Variants in OSBPL7 observed in about 807,000 individuals in gnomAD.
OSBPL7 encodes the protein oxysterol-binding protein-related protein 7.
OSBPL7 carries 66 observed loss-of-function variants against 115.8 expected under a neutral mutation model. That is an observed-to-expected ratio of 0.57 (90% CI 0.47 to 0.70). OSBPL7 has a LOEUF of 0.70. OSBPL7 is among the 30% of genes least tolerant of loss of function. The pLI is 0.00. For missense variants in OSBPL7, 902 were observed against 1,125.5 expected, an observed-to-expected ratio of 0.80 and a Z score of 2.84; for synonymous variants, 441 against 439.2, an observed-to-expected ratio of 1.00 and a Z score of -0.05.
In OSBPL7 at chr17:47,809,160, G is replaced by C; in HGVS notation, c.2086C>G (p.Arg696Gly). ...VQGAVLSRSGRVLHRLFGKWH... is the reference protein window; with the variant it reads ...VQGAVLSRSGGVLHRLFGKWH... ...TTCCCAAAGAGTCGGTGGAGGACAC[G>C]GCCACTCCGACTGAGCACAGCGCCC... The change falls in exon 20 of 23, where the codon CGT (arginine) becomes GGT (glycine). Residue 696 changes from arginine (R) to glycine (G), a missense_variant. Physicochemically the swap from Arg to Gly is moderately radical, Grantham distance 125. This residue lies in a region of OSBPL7 where 230 missense variants were observed against 312.7 expected (regional missense o/e 0.74). Coordinates refer to ENST00000007414, the MANE Select transcript of OSBPL7 (RefSeq NM_145798.3). The C allele has an allele frequency of 6.2e-7, 1 of 1,614,130 alleles. No individual in the cohort carries two copies. Among genetic ancestry groups the C allele is most frequent in the South Asian group, 1.1e-5 (1 of 91,078 alleles).
In OSBPL7 at chr17:47,810,849, G is replaced by A. The variant is rs959869990; in HGVS notation, c.1738-14C>T. On this transcript the variant is annotated splice_polypyrimidine_tract_variant and intron_variant, in intron 16 of 22. Coordinates refer to ENST00000007414, the MANE Select transcript of OSBPL7 (RefSeq NM_145798.3). ...GTGGTGGGAGACCTTGGTGAGCAAA[G>A]AAGTTATCTTGAGGCTGTCCCCGAG... 1.9e-6 allele frequency: 3 copies of A among 1,612,598 alleles called. No individual in the cohort carries two copies. The highest frequency in any genetic ancestry group is 2.2e-5 in the East Asian group (1 of 44,874).
chr17:47,813,227 C>T lies in OSBPL7; in HGVS notation c.1737+39G>A, dbSNP rs1397507677. On this transcript the variant is annotated intron_variant, in intron 16 of 22. Transcript: ENST00000007414. ...CCAAAGCCCAGGTCCCTCCTTGCCC[C>T]AGACACCCAAGGCCAGCCCTCTTCT... 3.1e-6 allele frequency: 5 copies of T among 1,610,562 alleles called. No individual in the cohort carries two copies. In the African/African-American group the frequency reaches 4.0e-5, roughly 13 times the overall value.
In OSBPL7 at chr17:47,818,582, G is replaced by A. The variant is rs368110786; in HGVS notation, c.404C>T (p.Ala135Val). 2.5e-5 allele frequency: 40 copies of A among 1,612,920 alleles called. No individual in the cohort carries two copies. Among genetic ancestry groups the A allele is most frequent in the African/African-American group, 8.0e-5 (6 of 74,934 alleles). The change falls in exon 6 of 23, where the codon GCG (alanine) becomes GTG (valine). Residue 135 changes from alanine to valine, a missense_variant. Physicochemically the swap from Ala to Val is moderately conservative, Grantham distance 64. Transcript: ENST00000007414. ...GGCTAGGCGGTGGGCACGCAGCTGC[G>A]CCACCCAGCTCTGGAATAGGTCCTG... ...KSQDLFQSWV[A>V]QLRAHRLAHR...
Position 47,808,602 on chromosome 17 carries a change from G to A in OSBPL7, c.2356C>T (p.Leu786=). The change falls in exon 22 of 23, where the codon CTG becomes TTG. Residue 786 remains leucine (L), a synonymous_variant. Transcript: ENST00000007414. The surrounding 1 kb of genome is among the most constrained non-coding windows in gnomAD (Gnocchi z 6.1). ...ATGACTTTGCGCCTGTCTCGCTGCA[G>A]CTGCTCGATCCTTCTCTTCTGGGCC... The part of the protein sequence containing the change: ...AEAQKRRIEQ[L]QRDRRKVMEE... The A allele has an allele frequency of 1.2e-6, 2 of 1,614,220 alleles. No individual in the cohort carries two copies. Among genetic ancestry groups the A allele is most frequent in the Non-Finnish European group, 1.7e-6 (2 of 1,180,030 alleles).
In OSBPL7 at chr17:47,818,551, G is replaced by A; in HGVS notation, c.435C>T (p.Arg145=). The change falls in exon 6 of 23, where the codon CGC becomes CGT. Residue 145 remains arginine, a synonymous_variant. Transcript: ENST00000007414. ...AQLRAHRLAH[R]LDMPRGSLPS... ...GCAGTGAGCCACGGGGCATGTCCAG[G>A]CGGTGGGCTAGGCGGTGGGCACGCA... 2 of 1,611,606 alleles carry A rather than the reference G, an allele frequency of 1.2e-6. No homozygotes were observed. The highest frequency in any genetic ancestry group is 1.7e-6 in the Non-Finnish European group (2 of 1,178,834).
intron 18 of OSBPL7, among the ~76,000 whole-genome samples, chr17:47,809,746 G>A (rs1016334557): frequency 1.3e-5 from 2 of 152,158 alleles, no homozygotes; most frequent in African/African-American, 2.4e-5. Flanking sequence ...CTGCCCCTGG[G>A]CACCAGGAAC....
intron 16 of OSBPL7, among the ~76,000 whole-genome samples, chr17:47,811,996 T>C (rs1189613089): frequency 6.6e-6 from 1 of 152,174 alleles, no homozygotes; most frequent in Non-Finnish European, 1.5e-5. Flanking sequence ...CGCACGAGTG[T>C]ACTGTGTCAA....
chr17:47,811,408 T>C (rs2033038028), intron 16 of OSBPL7, among the ~76,000 whole-genome samples: 1 of 150,218 alleles, frequency 6.7e-6, no homozygotes, highest in African/African-American at 2.5e-5. Context: ...TGCCCTCCCA[T>C]GGTCTGCCAG....
intron 8 of OSBPL7, 142 bp from the exon 9 acceptor site, chr17:47,817,014 G>A: frequency 2.4e-6 from 2 of 842,374 alleles, no homozygotes; most frequent in South Asian, 3.1e-5. Flanking sequence ...GGCCGCTCAG[G>A]CAGGGCGACA....
Position 47,818,252 on chromosome 17 carries a change from C to A in OSBPL7, c.598+17G>T. 1.9e-6 allele frequency: 3 copies of A among 1,601,194 alleles called. No homozygotes were observed. The highest frequency in any genetic ancestry group is 1.7e-6 in the Non-Finnish European group (2 of 1,171,750). On this transcript the variant is annotated intron_variant, in intron 7 of 22. Coordinates refer to ENST00000007414, the MANE Select transcript of OSBPL7 (RefSeq NM_145798.3). ...TTGGGGCCTACCCTTGGAGGTGCTG[C>A]GCCTAGGGCCCCTCACCATGAGAGC...
chr17:47,815,955 GCCGCTTA>G (rs2033200510), intron 12 of OSBPL7, 145 bp downstream of exon 12: 6 of 619,500 alleles, frequency 9.7e-6, no homozygotes, highest in Non-Finnish European at 1.4e-5. Flanking sequence ...AGATGGGGCT[GCCGCTTA>G]CCTTATGGGA....
intron 1 of OSBPL7, 95 bp from the exon 2 acceptor site, chr17:47,820,460 A>C: frequency 1.7e-6 from 1 of 602,738 alleles, no homozygotes; most frequent in Non-Finnish European, 2.9e-6. Flanking sequence ...GGGCTCCCCA[A>C]CATACCCTCT....
In OSBPL7 at chr17:47,820,319, G is replaced by A. The variant is rs1231514919; in HGVS notation, c.-41C>T. 1.9e-6 allele frequency: 3 copies of A among 1,597,946 alleles called. 1 individual carries two copies. In the South Asian group the frequency reaches 3.4e-5, roughly 18 times the overall value. On this transcript the variant is annotated 5_prime_UTR_variant, in exon 2 of 23. Transcript: ENST00000007414. ...CACTCCCTGCTGGGGATGTAGAGCA[G>A]GGAGCAGGGTGGAAGGGGAAGGATG...
intron 13 of OSBPL7, 53 bp downstream of exon 13, chr17:47,815,162 G>A: frequency 6.3e-7 from 1 of 1,579,910 alleles, no homozygotes; most frequent in Non-Finnish European, 8.6e-7. Flanking sequence ...CCACCCTTCT[G>A]TTCCCAAGGT....
In OSBPL7 at chr17:47,808,320, C is replaced by CGT; in HGVS notation, c.2499_2500insAC (p.Gly834ThrfsTer75). 1 of 1,613,906 alleles carries CGT rather than the reference C, an allele frequency of 6.2e-7. No individual in the cohort carries two copies. The highest frequency in any genetic ancestry group is 8.5e-7 in the Non-Finnish European group (1 of 1,179,900). ...CAGAGCACGGCCCCATCCATGTTCCCATAGCCTGGCTCGGCCCGCAGCCTC... is the reference window on the plus strand; with the variant it reads ...CAGAGCACGGCCCCATCCATGTTCCCGTATAGCCTGGCTCGGCCCGCAGCCTC... On this transcript the variant is annotated frameshift_variant, in exon 23 of 23. Transcript: ENST00000007414. LOFTEE classifies it high-confidence loss of function. The surrounding 1 kb of genome is among the most constrained non-coding windows in gnomAD (Gnocchi z 6.1).
At chr17:47,812,972 A>G (rs2033089131) in intron 16 of OSBPL7, among the ~76,000 whole-genome samples, 1 of 152,026 alleles carries the variant, frequency 6.6e-6, no homozygotes, top group Admixed American at 6.5e-5. Context: ...TACACCATCT[A>G]GAAGGAACAT....
Position 47,816,669 on chromosome 17 carries a change from G to A in OSBPL7, c.822C>T (p.Pro274=). 1.2e-6 allele frequency: 2 copies of A among 1,614,116 alleles called. No homozygotes were observed. Among genetic ancestry groups the A allele is most frequent in the Non-Finnish European group, 8.5e-7 (1 of 1,180,028 alleles). ...GAGACTCCAGGTAGCGAGACAGGTT[G>A]GGAACAGAGCCATGGAGACGACCAA... ...GRVGRLHGSV[P]NLSRYLESRD... is the part of the protein sequence containing the mutation. Residue 274 remains proline, a synonymous_variant, in exon 10 of 23, where the codon CCC becomes CCT. Transcript: ENST00000007414. The surrounding 1 kb of genome is among the most constrained non-coding windows in gnomAD (Gnocchi z 5.8).
Position 47,819,093 on chromosome 17 carries a change from T to C in OSBPL7, c.262A>G (p.Lys88Glu). ...HYATTRQDIT[K>E]GKLHGSIDVR... ...TCGATGGAGCCATGGAGCTTCCCCT[T>C]GGTGATCTGGGGGTGAAGTGTTGGT... Residue 88 changes from lysine to glutamate, a missense_variant, in exon 5 of 23, where the codon AAG becomes GAG. Lys to Glu is a moderately conservative substitution (Grantham distance 56). Coordinates refer to ENST00000007414, the MANE Select transcript of OSBPL7 (RefSeq NM_145798.3). 6.2e-7 allele frequency: 1 copy of C among 1,613,728 alleles called. No individual in the cohort carries two copies.
chr17:47,813,424 G>T (rs775872044), intron 15 of OSBPL7, 21 bp from the exon 16 acceptor site: 2 of 1,613,460 alleles, frequency 1.2e-6, no homozygotes, highest in South Asian at 1.1e-5. Context: ...CAAGGAAGGT[G>T]CAGGGTACTG....
Sources: gnomAD v4.1 joint callset for allele counts (sites outside exome capture counted in the v4.1 genomes callset) on GRCh38, gnomAD v4.1.1 for gene constraint, gnomAD v4.1.1 regional missense constraint, Gnocchi (gnomAD v3.1) non-coding constraint, MANE v1.5 for transcripts, NCBI Gene and HGNC (gene_info 2026-07-23, HGNC 2026-07-21) for gene names.